ZNF124: variants seen among roughly 807,000 people sequenced by gnomAD.
ZNF124 encodes zinc finger protein 124, also known as zinc finger protein HZF-16.
ZNF124 carries 25 observed loss-of-function variants against 26.6 expected under a neutral mutation model. That is an observed-to-expected ratio of 0.94 (90% CI 0.68 to 1.31). The LOEUF (loss-of-function observed/expected upper bound fraction) is 1.31. ZNF124 is among the 40% of genes most tolerant of loss of function. The pLI is 0.00. For missense variants in ZNF124, 444 were observed against 422.2 expected (o/e 1.05, Z -0.45); for synonymous variants, 129 against 133.3 (o/e 0.97, Z 0.22).
chr1:247,167,854 C>T (rs1673870018), intron 1 of ZNF124, among the ~76,000 whole-genome samples: 1 of 152,086 alleles, frequency 6.6e-6, no homozygotes, highest in Non-Finnish European at 1.5e-5. Flanking sequence ...TCACAAAAAA[C>T]TCAAATCAGC....
chr1:247,159,722 A>G lies in ZNF124; in HGVS notation c.122T>C (p.Val41Ala), dbSNP rs770806743. ...DPSQKNLYRD[V>A]MQETFRNLAS... ...CAGATTCCTGAAGGTTTCCTGCATC[A>G]CGTCTCTATAGAGATTCTTCTGGGA... Residue 41 changes from valine to alanine, a missense_variant, in exon 2 of 4, where the codon GTG (valine) becomes GCG (alanine). Val to Ala is a moderately conservative substitution (Grantham distance 64, BLOSUM62 0). Coordinates refer to ENST00000543802, the MANE Select transcript of ZNF124 (RefSeq NM_001297568.2). The G allele has an allele frequency of 8.7e-6, 14 of 1,613,038 alleles. No homozygotes were observed. The highest frequency in any genetic ancestry group is 1.6e-4 in the Middle Eastern group (1 of 6,080).
At chr1:247,122,791 C>T (rs865893827) in exon 4 of ZNF124, 9 of 152,202 alleles carry the variant, frequency 5.9e-5, no homozygotes, top group Admixed American at 1.3e-4. Context: ...CAAGTAACAA[C>T]GGTCATCCCC....
At chr1:247,138,568 C>T (rs79920190) in intron 3 of ZNF124, 17,764 of 385,106 alleles carry the variant, frequency 0.046, 554 homozygotes, top group Middle Eastern at 0.12. Context: ...ATGTTCTACA[C>T]GTATCCCGTT....
At position 247,157,207 on chromosome 1, in the gene ZNF124, T is replaced by C. The variant is rs769766129; in HGVS notation, c.415A>G (p.Ile139Val). 1 of 1,614,140 alleles carries C rather than the reference T, an allele frequency of 6.2e-7. No homozygotes were observed. Among genetic ancestry groups the C allele is most frequent in the Non-Finnish European group, 8.5e-7 (1 of 1,179,940 alleles). ...TCTCCAGTGTGATTTCTCTGATGTA[T>C]CTGAAATGAACTGGGAATATTAAAA... ...KVFNIPSSFQ[I>V]HQRNHTGEKP... Residue 139 changes from isoleucine (I) to valine (V), a missense_variant, in exon 4 of 4, where the codon ATA becomes GTA. Transcript: ENST00000543802.
At chr1:247,153,133 A>C (rs981681167), downstream of ZNF124, among the ~76,000 whole-genome samples, 1 of 136,332 alleles carries the variant, frequency 7.3e-6, no homozygotes, top group Non-Finnish European at 1.6e-5. Flanking sequence ...ACTCCATCTC[A>C]AAAAAAAAAA....
rs1672283842 is a variant in ZNF124 at position 247,128,939 on chromosome 1, CCA to C, written c.219-5070_219-5069del. The stretch of plus-strand genomic sequence containing the variant: ...GGAGGGTGGACATTGAGTACTTCCC[CCA>C]GCAGGATGGGGTGGGAGGATTCAGG... On this transcript the variant is annotated intron_variant, in intron 3 of 3. Coordinates refer to the ZNF124 transcript ENST00000472531. 8.3e-5 allele frequency among the ~76,000 whole-genome samples: 8 copies of C among 96,050 alleles called. 1 individual carries two copies. The highest frequency in any genetic ancestry group is 4.4e-4 in the Admixed American group (4 of 9,062). 63.0% of individuals were successfully genotyped at this position (96,050 alleles called of 152,430 possible).
chr1:247,142,597 C>T (rs1672656017), intron 3 of ZNF124, among the ~76,000 whole-genome samples: 2 of 152,172 alleles, frequency 1.3e-5, no homozygotes, highest in Admixed American at 6.5e-5. Context: ...TGATATTCAC[C>T]AACCTTTAAT....
At chr1:247,131,266 A>G (rs899594343) in intron 3 of ZNF124, among the ~76,000 whole-genome samples, 3 of 152,034 alleles carry the variant, frequency 2.0e-5, no homozygotes, top group Admixed American at 1.3e-4. Flanking sequence ...TGAGTGCGCT[A>G]CCCAGCTGGG....
chr1:247,130,061 G>A lies in ZNF124; in HGVS notation c.219-6190C>T, dbSNP rs112479258. On this transcript the variant is annotated intron_variant, in intron 3 of 3. Coordinates refer to the ZNF124 transcript ENST00000472531. ...CTTGACCCTTGAGTCAGCCATGTCC[G>A]TGCTCGTCAGTACTGCTACTCGTTT... is the stretch of plus-strand genomic sequence containing the variant. Among the ~76,000 whole-genome samples the A allele has an allele frequency of 4.3e-3, 649 of 152,300 alleles. 3 individuals carry two copies. Among genetic ancestry groups the A allele is most frequent in the Non-Finnish European group, 7.7e-3 (521 of 68,024 alleles).
At position 247,148,804 on chromosome 1, in the gene ZNF124, CAAAA is replaced by C. The variant is rs5782416; in HGVS notation, c.218+10198_218+10201del. Among the ~76,000 whole-genome samples, 5 of 147,154 alleles carry C rather than the reference CAAAA, an allele frequency of 3.4e-5. No individual in the cohort carries two copies. In the East Asian group the frequency reaches 1.0e-3, roughly 30 times the overall value. ...TGAAACCCCGTCTCTACTAAAAATACAAAAAAAAAAAGAAAATTAGCCAGGTGTG... is the reference window on the plus strand; with the variant it reads ...TGAAACCCCGTCTCTACTAAAAATACAAAAAAAGAAAATTAGCCAGGTGTG... On this transcript the variant is annotated intron_variant, in intron 3 of 3. Coordinates refer to the ZNF124 transcript ENST00000472531.
At chr1:247,165,887 C>G (rs1224457240) in intron 1 of ZNF124, among the ~76,000 whole-genome samples, 2 of 152,036 alleles carry the variant, frequency 1.3e-5, no homozygotes, top group Non-Finnish European at 2.9e-5. Flanking sequence ...ACTAAAAACT[C>G]AAAAAATAGC....
chr1:247,143,904 C>G (rs997850593), intron 3 of ZNF124, among the ~76,000 whole-genome samples: 1 of 152,188 alleles, frequency 6.6e-6, no homozygotes, highest in Admixed American at 6.5e-5. Context: ...TCATCTACCC[C>G]CGTAGCCTCA....
intron 3 of ZNF124, among the ~76,000 whole-genome samples, chr1:247,124,200 T>G (rs1249879191): frequency 1.3e-5 from 2 of 151,062 alleles, no homozygotes; most frequent in African/African-American, 4.9e-5. Flanking sequence ...AAATGAATGA[T>G]TTTGTGGCTT....
chr1:247,162,681 A>G (rs1449700935), intron 1 of ZNF124, among the ~76,000 whole-genome samples: 1 of 152,096 alleles, frequency 6.6e-6, no homozygotes, highest in Non-Finnish European at 1.5e-5. Context: ...TTTAAACCAA[A>G]AACAAAAAAA....
intron 1 of ZNF124, among the ~76,000 whole-genome samples, chr1:247,162,084 A>C (rs552532591): frequency 2.8e-4 from 43 of 152,288 alleles, no homozygotes; most frequent in African/African-American, 9.4e-4. Flanking sequence ...ATTTGTTCCC[A>C]CTAGATCTGC....
At chr1:247,149,197 A>G (rs887683905) in intron 3 of ZNF124, among the ~76,000 whole-genome samples, 1 of 152,234 alleles carries the variant, frequency 6.6e-6, no homozygotes, top group Non-Finnish European at 1.5e-5. Context: ...AAATGAAGTG[A>G]GAGATCCATG....
At chr1:247,147,697 TGACCTGC>T (rs1672822217) in intron 3 of ZNF124, among the ~76,000 whole-genome samples, 1 of 152,178 alleles carries the variant, frequency 6.6e-6, no homozygotes, top group Non-Finnish European at 1.5e-5. Flanking sequence ...TGATAAAGAC[TGACCTGC>T]CCTCTGTGGC....
chr1:247,153,017 C>T (rs1459911586), downstream of ZNF124, among the ~76,000 whole-genome samples: 1 of 151,860 alleles, frequency 6.6e-6, no homozygotes, highest in African/African-American at 2.4e-5. Flanking sequence ...CCTGTAGTTC[C>T]AGCTACTCGG....
chr1:247,158,954 ATAC>A, intron 3 of ZNF124, 49 bp downstream of exon 3: 1 of 1,527,498 alleles, frequency 6.5e-7, no homozygotes, highest in South Asian at 1.2e-5. Flanking sequence ...ATATGATTAT[ATAC>A]TACAATTGAC....
Sources: allele counts gnomAD v4.1 joint callset (sites outside exome capture counted in the v4.1 genomes callset), GRCh38; gene constraint gnomAD v4.1.1; transcripts MANE v1.5; gene names NCBI Gene and HGNC (gene_info 2026-07-23, HGNC 2026-07-21).